Variants in KMT5A observed in about 807,000 individuals in gnomAD.
KMT5A encodes the protein N-lysine methyltransferase KMT5A.
In KMT5A, 6 loss-of-function variants were observed where a neutral mutation model predicts 40.6. The ratio of observed to expected loss-of-function variants is 0.15; its 90% CI spans 0.08 to 0.29. The LOEUF (loss-of-function observed/expected upper bound fraction) is 0.29, where lower values mean the gene tolerates loss of function less well. Among genes scored for constraint, KMT5A ranks in the 10% least tolerant of loss-of-function variants. The pLI, the probability that KMT5A is intolerant of heterozygous loss-of-function variation, is 1.00. For synonymous variants in KMT5A, 153 were observed against 178.8 expected (o/e 0.86, Z 1.15); for missense variants, 308 against 459.1 (o/e 0.67, Z 3.01).
At chr12:123,401,653 C>T (rs1261624548) in intron 5 of KMT5A, among the ~76,000 whole-genome samples, 2 of 151,962 alleles carry the variant, frequency 1.3e-5, no homozygotes, top group Non-Finnish European at 2.9e-5. Flanking sequence ...GCGATCTTGG[C>T]CTACTGCAAA....
intron 1 of KMT5A, among the ~76,000 whole-genome samples, chr12:123,385,240 A>T (rs905701116): frequency 6.6e-6 from 1 of 152,114 alleles, no homozygotes; most frequent in Non-Finnish European, 1.5e-5. Flanking sequence ...GCATCCCTAG[A>T]GGTTCTTTTG....
At chr12:123,390,226 C>A (rs1877195340) in intron 2 of KMT5A, 1 of 445,290 alleles carries the variant, frequency 2.2e-6, no homozygotes, top group African/African-American at 2.0e-5. Context: ...AGTGGTTAAT[C>A]AGGTTCCCCG....
intron 3 of KMT5A, among the ~76,000 whole-genome samples, chr12:123,392,886 G>GT (rs915999497): frequency 1.2e-4 from 18 of 151,850 alleles, no homozygotes; most frequent in African/African-American, 2.7e-4. Context: ...GTTTTTGTTT[G>GT]TTTTTTTTGA....
chr12:123,405,492 C>A (rs1878468587), intron 7 of KMT5A, among the ~76,000 whole-genome samples: 1 of 135,282 alleles, frequency 7.4e-6, no homozygotes, highest in Admixed American at 7.8e-5. Flanking sequence ...TTTTTCAAAG[C>A]TGTGATGCAA....
chr12:123,390,153 C>G (rs541356142), intron 2 of KMT5A: 4 of 466,052 alleles, frequency 8.6e-6, no homozygotes, highest in Admixed American at 7.0e-5. Flanking sequence ...TGAGAGGGGT[C>G]AGGCTCCGGC....
chr12:123,389,403 C>A, intron 1 of KMT5A, 30 bp from the exon 2 acceptor site: 2 of 1,041,414 alleles, frequency 1.9e-6, no homozygotes, highest in South Asian at 4.4e-5. Flanking sequence ...AGCGCCCCCT[C>A]CCCCGCTTCC....
chr12:123,408,447 A>G lies in KMT5A; in HGVS notation c.*744A>G, dbSNP rs1004247714. On this transcript the variant is annotated 3_prime_UTR_variant, in exon 8 of 8. Transcript: ENST00000402868. Reference sequence around the variant, plus strand: ...GAAACTGGGTTAATTCTTTATAGAAATGTGAACACTGAATTTATTTTAAAA... The same window carrying G: ...GAAACTGGGTTAATTCTTTATAGAAGTGTGAACACTGAATTTATTTTAAAA... 1 of 151,948 alleles carries G rather than the reference A, an allele frequency of 6.6e-6. No homozygotes were observed. Among genetic ancestry groups the G allele is most frequent in the African/African-American group, 2.4e-5 (1 of 41,392 alleles). 9.4% of individuals were successfully genotyped at this position (151,948 alleles called of 1,614,324 possible). A position where few individuals can be genotyped will look rare whatever the true frequency, so the allele number is the denominator to read the frequency against.
chr12:123,391,918 C>A (rs1877345421), intron 3 of KMT5A, among the ~76,000 whole-genome samples: 1 of 152,240 alleles, frequency 6.6e-6, no homozygotes, highest in Non-Finnish European at 1.5e-5. Flanking sequence ...TGTGCTTGAT[C>A]TCCCCTGGTA....
chr12:123,386,300 C>T (rs1876870836), intron 1 of KMT5A, among the ~76,000 whole-genome samples: 1 of 151,362 alleles, frequency 6.6e-6, no homozygotes, highest in Non-Finnish European at 1.5e-5. Context: ...GCTTCACCCT[C>T]CCTCTCCTGT....
intron 1 of KMT5A, among the ~76,000 whole-genome samples, chr12:123,387,474 G>A (rs1038021952): frequency 9.9e-5 from 15 of 152,178 alleles, no homozygotes; most frequent in Non-Finnish European, 2.2e-4. Flanking sequence ...AATAGAAGAC[G>A]CTTTCAAATG....
intron 4 of KMT5A, among the ~76,000 whole-genome samples, chr12:123,395,483 C>T (rs942824354): frequency 6.6e-6 from 1 of 152,032 alleles, no homozygotes; most frequent in African/African-American, 2.4e-5. Flanking sequence ...CCTTCCTCCC[C>T]TCCTTACCCA....
In KMT5A at chr12:123,396,441, G is replaced by A. The variant is rs777761863; in HGVS notation, c.597+9G>A. 28 of 1,613,820 alleles carry A rather than the reference G, an allele frequency of 1.7e-5. No homozygotes were observed. The highest frequency in any genetic ancestry group is 4.0e-5 in the African/African-American group (3 of 75,036). On this transcript the variant is annotated intron_variant, in intron 5 of 7. Coordinates refer to ENST00000402868, the MANE Select transcript of KMT5A (RefSeq NM_020382.7). ...GCAAAGCCGAGCTGCAGGTAGTCAC[G>A]TGCTTTAAATTCCAGTTTGTGGAGG...
At chr12:123,394,925 C>A in intron 3 of KMT5A, 122 bp from the exon 4 acceptor site, 2 of 882,230 alleles carry the variant, frequency 2.3e-6, no homozygotes, top group Non-Finnish European at 3.5e-6. Context: ...AGGCCAAGGG[C>A]ACTCCTGCCT....
rs749992042 is a variant in KMT5A at position 123,390,729 on chromosome 12, C to G, written c.232C>G (p.His78Asp). ...CCTTCAGGAAGAGAACTCAGTTACA[C>G]ATCACGAAGTCAAATGCCAGGGGAA... is the stretch of plus-strand genomic sequence containing the variant. ...FPLQEENSVT[H>D]HEVKCQGKPL... Residue 78 changes from histidine to aspartate, a missense_variant, in exon 3 of 8, where the codon CAT becomes GAT. This residue lies in a region of KMT5A where 12 missense variants were observed against 31.1 expected (regional missense o/e 0.39). Coordinates refer to ENST00000402868, the MANE Select transcript of KMT5A (RefSeq NM_020382.7). The G allele has an allele frequency of 6.2e-7, 1 of 1,613,824 alleles. No homozygotes were observed. Among genetic ancestry groups the G allele is most frequent in the East Asian group, 2.2e-5 (1 of 44,906 alleles).
At chr12:123,393,733 G>T (rs1300258067) in intron 3 of KMT5A, among the ~76,000 whole-genome samples, 2 of 152,022 alleles carry the variant, frequency 1.3e-5, no homozygotes, top group Non-Finnish European at 1.5e-5. Flanking sequence ...GTAGAGATGG[G>T]GTTTTACCAT....
At chr12:123,390,185 C>A (rs1215290367) in intron 2 of KMT5A, 2 of 460,082 alleles carry the variant, frequency 4.3e-6, no homozygotes, top group Admixed American at 4.7e-5. Flanking sequence ...TCTGGCTGTG[C>A]TGACAGGCCC....
Position 123,390,637 on chromosome 12 carries a change from T to C in KMT5A, c.140T>C (p.Val47Ala). 1 of 1,613,802 alleles carries C rather than the reference T, an allele frequency of 6.2e-7. No homozygotes were observed. Among genetic ancestry groups the C allele is most frequent in the African/African-American group, 1.3e-5 (1 of 75,042 alleles). The stretch of plus-strand genomic sequence containing the variant: ...ATGCTTTTGTCTTTTTAGGAGAACG[T>C]ATTTACCGGGCAGTCAAAGATCTAT... The part of the protein sequence containing the change: ...PGRPRTDGEN[V>A]FTGQSKIYSY... The change falls in exon 3 of 8, where the codon GTA (valine) becomes GCA (alanine). Residue 47 changes from valine (V) to alanine (A), a missense_variant. Val to Ala is a moderately conservative substitution (Grantham distance 64, BLOSUM62 0). This residue lies in a region of KMT5A where 92 missense variants were observed against 78.3 expected (regional missense o/e 1.18). Coordinates refer to ENST00000402868, the MANE Select transcript of KMT5A (RefSeq NM_020382.7).
intron 4 of KMT5A, 55 bp from the exon 5 acceptor site, chr12:123,396,290 T>G: frequency 2.6e-6 from 4 of 1,546,802 alleles, no homozygotes; most frequent in Non-Finnish European, 3.6e-6. Flanking sequence ...AGGAGCTGTG[T>G]GCCTCCAGGT....
chr12:123,395,065 A>G lies in KMT5A; in HGVS notation c.308A>G (p.Asn103Ser). ...CCTGCAGAGAAAAGAAATGCTGGGA[A>G]CGCAGTACGGAGCGCCATGAAGTCC... ...RKREEKRNAG[N>S]AVRSAMKSEE... The change falls in exon 4 of 8, where the codon AAC becomes AGC. Residue 103 changes from asparagine (N) to serine (S), a missense_variant. Asn to Ser is a conservative substitution (Grantham distance 46). Around this residue, in one of 4 missense-constraint regions of KMT5A, gnomAD observed 127 missense variants for 129.8 expected, o/e 0.98. Coordinates refer to ENST00000402868, the MANE Select transcript of KMT5A (RefSeq NM_020382.7). 2 of 1,575,030 alleles carry G rather than the reference A, an allele frequency of 1.3e-6. No homozygotes were observed. The highest frequency in any genetic ancestry group is 1.7e-6 in the Non-Finnish European group (2 of 1,160,232).
Sources: allele counts gnomAD v4.1 joint callset (sites outside exome capture counted in the v4.1 genomes callset), GRCh38; gene constraint gnomAD v4.1.1; regional missense constraint gnomAD v4.1.1; transcripts MANE v1.5; gene names NCBI Gene and HGNC (gene_info 2026-07-23, HGNC 2026-07-21).